ACSBG1: variants seen among roughly 807,000 people sequenced by gnomAD.
ACSBG1 encodes acyl-CoA synthetase bubblegum family member 1, also known as long-chain-fatty-acid--CoA ligase ACSBG1.
A neutral mutation model predicts 80.2 loss-of-function variants in ACSBG1; 39 were observed. The observed-to-expected ratio is 0.49, with a 90% CI of 0.38 to 0.64. ACSBG1 has a LOEUF of 0.64. ACSBG1 is among the 30% of genes least tolerant of loss of function. ACSBG1 has a pLI of 0.00. For missense variants in ACSBG1, 828 were observed against 966.4 expected, an observed-to-expected ratio of 0.86 and a Z score of 1.90; for synonymous variants, 392 against 379.5, an observed-to-expected ratio of 1.03 and a Z score of -0.38.
intron 5 of ACSBG1, 115 bp from the exon 6 acceptor site, chr15:78,182,900 T>C (rs2074963916): frequency 1.8e-6 from 2 of 1,106,222 alleles, no homozygotes; most frequent in African/African-American, 3.1e-5. Flanking sequence ...GCCCCGTCTC[T>C]GACCTTCGAC....
intron 1 of ACSBG1, among the ~76,000 whole-genome samples, chr15:78,217,467 C>G (rs1328597923): frequency 6.6e-6 from 1 of 152,060 alleles, no homozygotes; most frequent in Non-Finnish European, 1.5e-5. Context: ...TGGGGTGGAG[C>G]AGGATAGGGA....
intron 2 of ACSBG1, 79 bp downstream of exon 2, chr15:78,207,923 A>ACCCCC: frequency 7.0e-6 from 2 of 284,790 alleles, no homozygotes; most frequent in African/African-American, 2.9e-5. Flanking sequence ...GTGGTCCCCC[A>ACCCCC]CACCACCCAC....
rs1196576877 is a variant in ACSBG1 at position 78,209,433 on chromosome 15, AACTGAAGAGATGGC to A, written c.132-1345_132-1332del. ...ACCCACTCCAGGGAGGTTGTGGAAA[AACTGAAGAGATGGC>A]AACGTGTGCTTCCGGGGCGAGGCCT... On this transcript the variant is annotated intron_variant, in intron 1 of 13. Coordinates refer to ENST00000258873, the MANE Select transcript of ACSBG1 (RefSeq NM_015162.5). Among the ~76,000 whole-genome samples the A allele has an allele frequency of 1.3e-4, 20 of 152,244 alleles. No homozygotes were observed. In the South Asian group the frequency reaches 4.1e-3, roughly 32 times the overall value.
intron 1 of ACSBG1, 141 bp downstream of exon 1, chr15:78,234,230 C>T (rs576952912): frequency 1.5e-5 from 18 of 1,193,840 alleles, no homozygotes; most frequent in East Asian, 2.4e-5. Flanking sequence ...TCTTACGGAT[C>T]GCCCAGATCC....
intron 1 of ACSBG1, among the ~76,000 whole-genome samples, chr15:78,213,104 C>A (rs1216928605): frequency 1.3e-5 from 2 of 152,182 alleles, no homozygotes; most frequent in Non-Finnish European, 2.9e-5. Flanking sequence ...AAGGTGTTGC[C>A]TAACTAGTTC....
intron 2 of ACSBG1, among the ~76,000 whole-genome samples, chr15:78,205,735 C>G (rs1595894982): frequency 6.6e-6 from 1 of 152,220 alleles, no homozygotes; most frequent in South Asian, 2.1e-4. Context: ...GGAGGACTTT[C>G]AGCTCTCCTA....
chr15:78,194,054 G>A lies in ACSBG1; in HGVS notation c.454-34C>T, dbSNP rs369568467. 47 of 1,606,788 alleles carry A rather than the reference G, an allele frequency of 2.9e-5. 1 individual carries two copies. Among genetic ancestry groups the A allele is most frequent in the South Asian group, 5.5e-5 (5 of 90,848 alleles). On this transcript the variant is annotated intron_variant, in intron 3 of 13. Coordinates refer to ENST00000258873, the MANE Select transcript of ACSBG1 (RefSeq NM_015162.5). ...CAAAGGCAGACAGGCCAGGTCAGCC[G>A]GGCAGGGACTGGGACCCTCATGCCC...
Position 78,177,269 on chromosome 15 carries a change from G to A in ACSBG1, c.1702+1345C>T, listed in dbSNP as rs543080593. ...AAAGCTATAGAAATTAAGACACTGG[G>A]TATTGGTGCACGGATAGGCGAATAG... On this transcript the variant is annotated intron_variant, in intron 11 of 13. Transcript: ENST00000258873. This position sits in a 1 kb window ranked among gnomAD's most constrained non-coding sequence, Gnocchi z 4.1. Among the ~76,000 whole-genome samples the A allele has an allele frequency of 1.1e-4, 17 of 152,166 alleles. No homozygotes were observed. The highest frequency in any genetic ancestry group is 2.4e-4 in the Non-Finnish European group (16 of 68,042).
At chr15:78,205,294 G>T (rs931848829) in intron 2 of ACSBG1, among the ~76,000 whole-genome samples, 1 of 152,090 alleles carries the variant, frequency 6.6e-6, no homozygotes, top group Non-Finnish European at 1.5e-5. Flanking sequence ...CTCAGCCTGG[G>T]GACCAGAGCT....
At chr15:78,174,700 G>A (rs2074865792) in intron 11 of ACSBG1, 176 bp from the exon 12 acceptor site, 2 of 681,264 alleles carry the variant, frequency 2.9e-6, no homozygotes, top group African/African-American at 1.8e-5. Flanking sequence ...CTTGGGGGCT[G>A]GTGGCAGCAC....
At chr15:78,209,494 CGT>C (rs2075249798) in intron 1 of ACSBG1, among the ~76,000 whole-genome samples, 1 of 152,270 alleles carries the variant, frequency 6.6e-6, no homozygotes, top group East Asian at 1.9e-4. Context: ...CAGACAGAGG[CGT>C]GTGAATGCTG....
At position 78,177,280 on chromosome 15, in the gene ACSBG1, C is replaced by T. The variant is rs975892553; in HGVS notation, c.1702+1334G>A. On this transcript the variant is annotated intron_variant, in intron 11 of 13. Transcript: ENST00000258873. The surrounding 1 kb of genome is among the most constrained non-coding windows in gnomAD (Gnocchi z 4.1). ...AATTAAGACACTGGGTATTGGTGCACGGATAGGCGAATAGACCAAGGGAAC... is the reference window on the plus strand; with the variant it reads ...AATTAAGACACTGGGTATTGGTGCATGGATAGGCGAATAGACCAAGGGAAC... Among the ~76,000 whole-genome samples the T allele has an allele frequency of 4.6e-5, 7 of 152,134 alleles. No individual in the cohort carries two copies. The highest frequency in any genetic ancestry group is 4.1e-4 in the South Asian group (2 of 4,828).
In ACSBG1 at chr15:78,169,224, T is replaced by C. The variant is rs1408192367; in HGVS notation, c.*2220A>G. The C allele has an allele frequency of 1.7e-5, 6 of 361,740 alleles. No individual in the cohort carries two copies. Among genetic ancestry groups the C allele is most frequent in the Non-Finnish European group, 3.0e-5 (6 of 201,208 alleles). The allele number at this position is 361,740 out of a possible 1,614,324, so 22.4% of individuals were successfully genotyped here. ...CCAAGTGCTTGTTTTATTTATTAAG[T>C]GTCTACCTGGTAAATGTTTTTTTTG... On this transcript the variant is annotated 3_prime_UTR_variant, in exon 14 of 14. Coordinates refer to ENST00000258873, the MANE Select transcript of ACSBG1 (RefSeq NM_015162.5).
At chr15:78,225,542 A>C (rs1415936076) in intron 1 of ACSBG1, among the ~76,000 whole-genome samples, 1 of 152,186 alleles carries the variant, frequency 6.6e-6, no homozygotes, top group African/African-American at 2.4e-5. Context: ...TGAAAGGTAT[A>C]AAACATGGTT....
intron 1 of ACSBG1, among the ~76,000 whole-genome samples, chr15:78,229,671 C>T (rs926539682): frequency 6.6e-6 from 1 of 152,130 alleles, no homozygotes; most frequent in Non-Finnish European, 1.5e-5. Context: ...GCCTGACAGC[C>T]CTCCCTGGGC....
intron 1 of ACSBG1, among the ~76,000 whole-genome samples, chr15:78,218,368 C>T (rs2075329984): frequency 6.6e-6 from 1 of 152,046 alleles, no homozygotes; most frequent in Non-Finnish European, 1.5e-5. Context: ...TTCTGGCTCA[C>T]AGACTTGGTC....
intron 8 of ACSBG1, 53 bp from the exon 9 acceptor site, chr15:78,180,989 G>A (rs2074937593): frequency 6.3e-7 from 1 of 1,581,866 alleles, no homozygotes; most frequent in South Asian, 1.2e-5. Context: ...CTGGGGCCCA[G>A]GGGTCCCCTC....
chr15:78,217,267 G>A lies in ACSBG1; in HGVS notation c.132-9165C>T, dbSNP rs184585057. On this transcript the variant is annotated intron_variant, in intron 1 of 13. Coordinates refer to ENST00000258873, the MANE Select transcript of ACSBG1 (RefSeq NM_015162.5). Reference sequence around the variant, plus strand: ...TATGCACCTTACACATGCAATCTTCGTAACAGCCCAATGAGGTACTATTAG... The same window carrying A: ...TATGCACCTTACACATGCAATCTTCATAACAGCCCAATGAGGTACTATTAG... Among the ~76,000 whole-genome samples the A allele has an allele frequency of 5.6e-3, 856 of 152,256 alleles. 8 individuals carry two copies. Among genetic ancestry groups the A allele is most frequent in the South Asian group, 0.047 (227 of 4,828 alleles).
chr15:78,209,119 A>G (rs1567093458), intron 1 of ACSBG1: 1 of 455,718 alleles, frequency 2.2e-6, no homozygotes, highest in Non-Finnish European at 4.4e-6. Flanking sequence ...ATCCCTGCCC[A>G]GTTCCCAGGA....
Sources: gnomAD v4.1 joint callset for allele counts (sites outside exome capture counted in the v4.1 genomes callset) on GRCh38, gnomAD v4.1.1 for gene constraint, Gnocchi (gnomAD v3.1) non-coding constraint, MANE v1.5 for transcripts, NCBI Gene and HGNC (gene_info 2026-07-23, HGNC 2026-07-21) for gene names.